Variants in RYR1 observed in about 807,000 individuals in gnomAD.
The protein encoded by RYR1 is central core disease of muscle.
A neutral mutation model predicts 583.5 loss-of-function variants in RYR1; 342 were observed. That is an observed-to-expected ratio of 0.59 (90% CI 0.54 to 0.64). The LOEUF (loss-of-function observed/expected upper bound fraction) is 0.64, where lower values mean the gene tolerates loss of function less well. RYR1 is among the 30% of genes least tolerant of loss of function. The pLI is 0.00. For missense variants in RYR1, 6,032 were observed against 6,917.2 expected (o/e 0.87, Z 4.54); for synonymous variants, 2,791 against 2,822.5 (o/e 0.99, Z 0.35).
intron 16 of RYR1, among the ~76,000 whole-genome samples, chr19:38,456,314 C>A (rs1967387681): frequency 7.5e-6 from 1 of 133,504 alleles, no homozygotes; most frequent in Non-Finnish European, 1.5e-5. Context: ...CTCGCTCTGT[C>A]ACCCAGACTG....
chr19:38,514,978 GCTTGT>G, intron 63 of RYR1, 43 bp from the exon 64 acceptor site: 1 of 1,356,246 alleles, frequency 7.4e-7, no homozygotes, highest in Non-Finnish European at 1.0e-6. Context: ...GGTGGGGAGG[GCTTGT>G]CTTGTGAGCG....
chr19:38,531,357 C>T (rs773534530), intron 76 of RYR1, among the ~76,000 whole-genome samples: 20 of 151,898 alleles, frequency 1.3e-4, no homozygotes, highest in Non-Finnish European at 2.4e-4. Context: ...GTTCCCCCAC[C>T]GATAAAATAG....
At chr19:38,522,320 G>A (rs576996932) in intron 67 of RYR1, among the ~76,000 whole-genome samples, 2 of 152,116 alleles carry the variant, frequency 1.3e-5, no homozygotes, top group African/African-American at 2.4e-5. Flanking sequence ...GGAATAGTCA[G>A]GCCAGGGAAG....
rs745938673 is a variant in RYR1, at chr19:38,492,556, G to A, written c.6194G>A (p.Ser2065Asn). The A allele has an allele frequency of 1.2e-6, 2 of 1,614,144 alleles. No individual in the cohort carries two copies. The highest frequency in any genetic ancestry group is 1.7e-6 in the Non-Finnish European group (2 of 1,179,990). The change falls in exon 38 of 106, where the codon AGC (serine) becomes AAC (asparagine). Residue 2065 changes from serine (S) to asparagine (N), a missense_variant. By Grantham distance (46) the Ser-to-Asn change is conservative. Transcript: ENST00000359596. ...ACCACCCTGGGCAGCCGCCTCATGA[G>A]CCTGTTGGAGAAAGTGCGGCTGGTG... is the stretch of plus-strand genomic sequence containing the variant. ...EETTLGSRLM[S>N]LLEKVRLVKK...
Position 38,565,891 on chromosome 19 carries a change from C to A in RYR1, c.13437+120C>A. 3.4e-6 allele frequency: 4 copies of A among 1,163,696 alleles called. No individual in the cohort carries two copies. The highest frequency in any genetic ancestry group is 4.4e-6 in the Non-Finnish European group (4 of 905,626). 72.1% of individuals were successfully genotyped at this position (1,163,696 alleles called of 1,614,324 possible). A position where few individuals can be genotyped will look rare whatever the true frequency, so the allele number is the denominator to read the frequency against. On this transcript the variant is annotated intron_variant, in intron 91 of 105. Coordinates refer to ENST00000359596, the MANE Select transcript of RYR1 (RefSeq NM_000540.3). The surrounding 1 kb of genome is among the most constrained non-coding windows in gnomAD (Gnocchi z 4.7). ...AACTGGCTAGGGGGATGGGCACACG[C>A]ACCCACGGAGGACGCACCCATGGAG...
At chr19:38,584,073 C>G (rs28437841) in intron 101 of RYR1, among the ~76,000 whole-genome samples, 6,078 of 152,024 alleles carry the variant, frequency 0.04, 281 homozygotes, top group East Asian at 0.19. Context: ...CTTTAGGTTT[C>G]AGCTCACACC....
chr19:38,510,349 A>T, intron 58 of RYR1, 149 bp from the exon 59 acceptor site: 1 of 773,346 alleles, frequency 1.3e-6, no homozygotes, highest in South Asian at 1.6e-5. Context: ...GATAGGAGAA[A>T]GGTTTATCTC....
chr19:38,438,934 C>A (rs1972549761), intron 1 of RYR1, among the ~76,000 whole-genome samples: 1 of 151,632 alleles, frequency 6.6e-6, no homozygotes, highest in Non-Finnish European at 1.5e-5. Context: ...TGGTCTTAAA[C>A]TCCTGGGCTC....
intron 13 of RYR1, among the ~76,000 whole-genome samples, chr19:38,455,015 T>G (rs1019504781): frequency 2.0e-5 from 3 of 152,018 alleles, no homozygotes; most frequent in African/African-American, 7.2e-5. Context: ...GAATCTCATA[T>G]TGGGGATAGA....
chr19:38,434,098 G>A (rs1237718881), intron 1 of RYR1, among the ~76,000 whole-genome samples: 2 of 152,000 alleles, frequency 1.3e-5, no homozygotes, highest in Non-Finnish European at 2.9e-5. Flanking sequence ...AGGGATCTTC[G>A]GTTGCCCTCT....
At chr19:38,498,971 C>G in intron 42 of RYR1, 137 bp from the exon 43 acceptor site, 2 of 1,132,424 alleles carry the variant, frequency 1.8e-6, no homozygotes, top group South Asian at 3.1e-5. Context: ...TCTGACAGGA[C>G]CAGGGCTAAT....
At chr19:38,467,151 C>G (rs1968155166) in intron 24 of RYR1, among the ~76,000 whole-genome samples, 1 of 152,136 alleles carries the variant, frequency 6.6e-6, no homozygotes, top group South Asian at 2.1e-4. Context: ...GGCTTCCAAT[C>G]CCAGCCTTGA....
intron 31 of RYR1, among the ~76,000 whole-genome samples, chr19:38,482,779 A>G (rs923782218): frequency 4.6e-5 from 7 of 152,186 alleles, no homozygotes; most frequent in Middle Eastern, 6.8e-3. Context: ...TGGGAGAGAA[A>G]TGCGAAGGGC....
chr19:38,468,170 A>C (rs537830899), intron 25 of RYR1, among the ~76,000 whole-genome samples: 30 of 150,870 alleles, frequency 2.0e-4, no homozygotes, highest in Non-Finnish European at 3.4e-4. Flanking sequence ...AAAATAAAAA[A>C]ATTAGCTAGG....
chr19:38,505,430 T>G, intron 53 of RYR1, 32 bp downstream of exon 53: 1 of 1,470,700 alleles, frequency 6.8e-7, no homozygotes, highest in Admixed American at 1.8e-5. Context: ...GCATTGAGGG[T>G]CAAAATGAAA....
Position 38,505,910 on chromosome 19 carries a change from A to T in RYR1, c.8505A>T (p.Glu2835Asp), listed in dbSNP as rs144777676. The T allele has an allele frequency of 1.3e-4, 216 of 1,613,698 alleles. No individual in the cohort carries two copies. The highest frequency in any genetic ancestry group is 1.8e-4 in the Non-Finnish European group (207 of 1,179,982). The change falls in exon 54 of 106, where the codon GAA (glutamate) becomes GAT (aspartate). Residue 2835 changes from glutamate to aspartate, a missense_variant. Physicochemically the swap from Glu to Asp is conservative, Grantham distance 45. Around this residue, in one of 11 missense-constraint regions of RYR1, gnomAD observed 1,493 missense variants for 1,715.5 expected, o/e 0.87. Transcript: ENST00000359596. ...GGGAGGGTGAGGAGGAGAAGACGGA[A>T]AAGAAAAAAACGCGGAAGATATCAC... Reference protein sequence around the residue: ...KAREGEEEKTEKKKTRKISQS... With the variant: ...KAREGEEEKTDKKKTRKISQS...
chr19:38,502,808 G>GGCAGGGGCAGGGGCAGGGGGAGGA, intron 48 of RYR1, 72 bp from the exon 49 acceptor site: 1 of 1,081,620 alleles, frequency 9.2e-7, no homozygotes, highest in Non-Finnish European at 1.2e-6. Context: ...CAGGGGCAGG[G>GGCAGGGGCAGGGGCAGGGGGAGGA]GGAGGAGCAG....
intron 1 of RYR1, among the ~76,000 whole-genome samples, chr19:38,434,582 T>A (rs933793709): frequency 6.6e-6 from 1 of 152,138 alleles, no homozygotes; most frequent in Non-Finnish European, 1.5e-5. Flanking sequence ...TCTAGCTGGG[T>A]TACTCCCTGC....
Position 38,444,065 on chromosome 19 carries a change from G to C in RYR1, c.425-84G>C. On this transcript the variant is annotated intron_variant, in intron 5 of 105. Coordinates refer to ENST00000359596, the MANE Select transcript of RYR1 (RefSeq NM_000540.3). This position sits in a 1 kb window ranked among gnomAD's most constrained non-coding sequence, Gnocchi z 5.1. ...AGAGTTGTGGGCCAAGGGCCCGGGA[G>C]GCCTGGTGGAGGGAGAGCCCTGGGG... 3 of 1,185,306 alleles carry C rather than the reference G, an allele frequency of 2.5e-6. No homozygotes were observed. Among genetic ancestry groups the C allele is most frequent in the Non-Finnish European group, 3.8e-6 (3 of 791,354 alleles). The allele number at this position is 1,185,306 out of a possible 1,614,324, so 73.4% of individuals were successfully genotyped here.
Sources: allele counts gnomAD v4.1 joint callset (sites outside exome capture counted in the v4.1 genomes callset), GRCh38; gene constraint gnomAD v4.1.1; regional missense constraint gnomAD v4.1.1; non-coding constraint Gnocchi (gnomAD v3.1); transcripts MANE v1.5; gene names NCBI Gene and HGNC (gene_info 2026-07-23, HGNC 2026-07-21).